Variants in MAPK10 observed in about 807,000 individuals in gnomAD.
The protein encoded by MAPK10 is JNK3 alpha protein kinase.
A neutral mutation model predicts 59.3 loss-of-function variants in MAPK10; 25 were observed. The observed-to-expected ratio is 0.42, with a 90% CI of 0.31 to 0.59. The LOEUF (loss-of-function observed/expected upper bound fraction) is 0.59. Ranked by LOEUF, MAPK10 falls within the 20% of genes least tolerant of loss-of-function variation. The probability of loss-of-function intolerance (pLI) is 0.15; values close to 1 mark genes in which losing one functional copy is unlikely to be tolerated. For synonymous variants in MAPK10, 190 were observed against 200.5 expected (o/e 0.95, Z 0.44); for missense variants, 351 against 568.9 (o/e 0.62, Z 3.90).
intron 1 of MAPK10, among the ~76,000 whole-genome samples, chr4:86,473,664 T>C (rs1752837611): frequency 6.6e-6 from 1 of 152,106 alleles, no homozygotes; most frequent in African/African-American, 2.4e-5. Context: ...TTAGAGAAAA[T>C]CTAAACTGGT....
intron 1 of MAPK10, among the ~76,000 whole-genome samples, chr4:86,486,881 C>A (rs978754291): frequency 6.6e-6 from 1 of 152,128 alleles, no homozygotes; most frequent in Non-Finnish European, 1.5e-5. Flanking sequence ...ACACTATGTG[C>A]CTGAAACACA....
At chr4:86,447,000 C>T (rs1245736976) in intron 1 of MAPK10, among the ~76,000 whole-genome samples, 1 of 152,098 alleles carries the variant, frequency 6.6e-6, no homozygotes, top group African/African-American at 2.4e-5. Context: ...CTCATCTTTT[C>T]ACTTATTTAT....
chr4:86,311,314 A>G (rs931262920), intron 2 of MAPK10, among the ~76,000 whole-genome samples: 2 of 152,096 alleles, frequency 1.3e-5, no homozygotes, highest in Non-Finnish European at 2.9e-5. Flanking sequence ...AGATAATCCA[A>G]GGTAAATCTT....
intron 1 of MAPK10, among the ~76,000 whole-genome samples, chr4:86,475,008 C>T (rs894140841): frequency 1.3e-5 from 2 of 152,174 alleles, no homozygotes; most frequent in African/African-American, 2.4e-5. Flanking sequence ...AAAAGCTCCC[C>T]GACTGAGCAC....
intron 1 of MAPK10, among the ~76,000 whole-genome samples, chr4:86,429,101 T>TTTTC (rs904190771): frequency 1.3e-5 from 2 of 152,142 alleles, no homozygotes; most frequent in Non-Finnish European, 2.9e-5. Flanking sequence ...TTATCAATAT[T>TTTTC]TTTCTTTCTT....
chr4:86,252,485 G>A (rs1462368340), intron 2 of MAPK10, among the ~76,000 whole-genome samples: 6 of 140,948 alleles, frequency 4.3e-5, no homozygotes, highest in Non-Finnish European at 9.1e-5. Flanking sequence ...ATAGTTGTAG[G>A]TATGCGGCGT....
intron 4 of MAPK10, among the ~76,000 whole-genome samples, chr4:86,131,249 A>G (rs2060947339): frequency 6.6e-6 from 1 of 152,166 alleles, no homozygotes; most frequent in African/African-American, 2.4e-5. Flanking sequence ...ACACGCACAA[A>G]CAAGACCTAG....
intron 4 of MAPK10, among the ~76,000 whole-genome samples, chr4:86,138,642 C>G: frequency 6.7e-6 from 1 of 148,372 alleles, no homozygotes; most frequent in Admixed American, 6.8e-5. Flanking sequence ...GGGATGCCCT[C>G]TCTCACCACT....
chr4:86,519,275 G>A (rs139467005), intron 1 of MAPK10, among the ~76,000 whole-genome samples: 522 of 152,232 alleles, frequency 3.4e-3, no homozygotes, highest in African/African-American at 0.012. Flanking sequence ...AGTAGTAATT[G>A]TTTTATAAAC....
At chr4:86,448,811 C>T (rs1750358794) in intron 1 of MAPK10, among the ~76,000 whole-genome samples, 1 of 152,124 alleles carries the variant, frequency 6.6e-6, no homozygotes, top group African/African-American at 2.4e-5. Context: ...GAAAGAATTA[C>T]ACAACTCACC....
intron 1 of MAPK10, among the ~76,000 whole-genome samples, chr4:86,471,906 T>A (rs981310004): frequency 6.6e-6 from 1 of 152,190 alleles, no homozygotes; most frequent in African/African-American, 2.4e-5. Flanking sequence ...AAAAATGTTG[T>A]CTTTTAATAA....
upstream of MAPK10, among the ~76,000 whole-genome samples, chr4:86,363,077 A>T (rs908776676): frequency 1.3e-5 from 2 of 152,214 alleles, no homozygotes; most frequent in Non-Finnish European, 2.9e-5. Context: ...ATTATGATAT[A>T]CAGTCAGCCC....
intron 4 of MAPK10, among the ~76,000 whole-genome samples, chr4:86,148,350 G>A (rs913499208): frequency 1.3e-5 from 2 of 152,126 alleles, no homozygotes; most frequent in Non-Finnish European, 2.9e-5. Flanking sequence ...AAAGAAAATA[G>A]CTTCATATAA....
chr4:86,189,593 G>C (rs2079151781), intron 3 of MAPK10, among the ~76,000 whole-genome samples: 1 of 152,152 alleles, frequency 6.6e-6, no homozygotes, highest in Admixed American at 6.5e-5. Context: ...TTTGCAAATT[G>C]ACTTTGTATC....
At chr4:86,328,543 C>T (rs1177390631) in intron 2 of MAPK10, among the ~76,000 whole-genome samples, 1 of 152,178 alleles carries the variant, frequency 6.6e-6, no homozygotes, top group East Asian at 1.9e-4. Context: ...TATAAAGACA[C>T]ATGCACATAT....
chr4:86,217,192 T>C (rs997532455), intron 2 of MAPK10, among the ~76,000 whole-genome samples: 4 of 152,184 alleles, frequency 2.6e-5, no homozygotes, highest in African/African-American at 9.6e-5. Flanking sequence ...AAATTGCCTC[T>C]TAGGAATTGA....
intron 2 of MAPK10, among the ~76,000 whole-genome samples, chr4:86,230,033 C>T (rs560495371): frequency 6.6e-6 from 1 of 152,268 alleles, no homozygotes; most frequent in South Asian, 2.1e-4. Flanking sequence ...TGCACTCTAG[C>T]GTGGGCAACA....
chr4:86,012,545 T>C lies in MAPK10; in HGVS notation c.*4683A>G, dbSNP rs763476667. The stretch of plus-strand genomic sequence containing the variant: ...AATCCATAAGAAACAGAAATCATAA[T>C]ATATTGACTCCATATTACCTAAAAA... On this transcript the variant is annotated 3_prime_UTR_variant, in exon 14 of 14. Transcript: ENST00000641462. The C allele has an allele frequency of 6.6e-6, 1 of 152,200 alleles. No individual in the cohort carries two copies. Among genetic ancestry groups the C allele is most frequent in the Non-Finnish European group, 1.5e-5 (1 of 68,024 alleles). 9.4% of individuals were successfully genotyped at this position (152,200 alleles called of 1,614,324 possible). A position where few individuals can be genotyped will look rare whatever the true frequency, so the allele number is the denominator to read the frequency against.
chr4:86,550,411 A>AAAAAAAC (rs1467490853), intron 1 of MAPK10, among the ~76,000 whole-genome samples: 1 of 136,132 alleles, frequency 7.3e-6, no homozygotes, highest in Non-Finnish European at 1.6e-5. Context: ...AAAAAAAAAA[A>AAAAAAAC]CTCCAGGCCA....
Sources: allele counts gnomAD v4.1 joint callset (sites outside exome capture counted in the v4.1 genomes callset), GRCh38; gene constraint gnomAD v4.1.1; transcripts MANE v1.5; gene names NCBI Gene and HGNC (gene_info 2026-07-23, HGNC 2026-07-21).